ADAMTS9: variants seen among roughly 807,000 people sequenced by gnomAD.
ADAMTS9 encodes the protein ADAM metallopeptidase with thrombospondin type 1 motif 9.
In ADAMTS9, 107 loss-of-function variants were observed where a neutral mutation model predicts 257.1. The observed-to-expected ratio is 0.42, with a 90% CI of 0.36 to 0.49. ADAMTS9 has a LOEUF of 0.49. Ranked by LOEUF, ADAMTS9 falls within the 20% of genes least tolerant of loss-of-function variation. The pLI is 0.03. For missense variants in ADAMTS9, 2,353 were observed against 2,469.1 expected (o/e 0.95, Z 1.00); for synonymous variants, 982 against 880.9 (o/e 1.11, Z -2.03).
intron 25 of ADAMTS9, among the ~76,000 whole-genome samples, chr3:64,603,233 G>A (rs1262873153): frequency 6.6e-6 from 1 of 152,112 alleles, no homozygotes; most frequent in Non-Finnish European, 1.5e-5. Flanking sequence ...GCCAAGGTCT[G>A]GGTTTTTACA....
At chr3:64,559,432 A>T (rs576515151) in intron 30 of ADAMTS9, among the ~76,000 whole-genome samples, 2 of 152,282 alleles carry the variant, frequency 1.3e-5, no homozygotes, top group South Asian at 4.1e-4. Context: ...TTCCTTCCTT[A>T]GACCCTCCAC....
At chr3:64,526,575 G>C (rs1559746857) in intron 38 of ADAMTS9, among the ~76,000 whole-genome samples, 2 of 152,170 alleles carry the variant, frequency 1.3e-5, no homozygotes, top group African/African-American at 4.8e-5. Context: ...CCTGGCTTAA[G>C]TATAGGGCCA....
intron 16 of ADAMTS9, 45 bp from the exon 17 acceptor site, chr3:64,622,631 A>C (rs768834635): frequency 5.0e-6 from 8 of 1,588,568 alleles, no homozygotes; most frequent in Non-Finnish European, 6.9e-6. Context: ...GCTGTCAATG[A>C]CTAGCTGTTT....
At chr3:64,575,011 C>A (rs906015276) in intron 28 of ADAMTS9, among the ~76,000 whole-genome samples, 1 of 152,152 alleles carries the variant, frequency 6.6e-6, no homozygotes, top group Admixed American at 6.5e-5. Context: ...AGCAAACATA[C>A]AATCCCATAA....
chr3:64,554,428 G>C (rs6763654), intron 30 of ADAMTS9, among the ~76,000 whole-genome samples: 65 of 152,242 alleles, frequency 4.3e-4, no homozygotes, highest in African/African-American at 1.5e-3. Context: ...TCCTAACTAG[G>C]GTATGGGGGC....
chr3:64,657,754 G>T (rs1701116876), intron 4 of ADAMTS9, among the ~76,000 whole-genome samples: 1 of 151,946 alleles, frequency 6.6e-6, no homozygotes, highest in Non-Finnish European at 1.5e-5. Context: ...TTTCTATTGG[G>T]CAGTGCTTGT....
chr3:64,544,981 A>T (rs934818343), intron 32 of ADAMTS9, among the ~76,000 whole-genome samples: 5 of 131,510 alleles, frequency 3.8e-5, no homozygotes, highest in Middle Eastern at 3.9e-3. Context: ...AAAAGAAGAC[A>T]TTTATGCAGC....
At position 64,655,604 on chromosome 3, in the gene ADAMTS9, G is replaced by A. The variant is rs1250784973; in HGVS notation, c.1141C>T (p.His381Tyr). The part of the protein sequence containing the change: ...QHSKNSPGGI[H>Y]HDTAVLLTRQ... ...GTTAAGAGAACAGCAGTATCATGATGGATTCCACCTGGACTGTTCTTCGAA... is the reference window on the plus strand; with the variant it reads ...GTTAAGAGAACAGCAGTATCATGATAGATTCCACCTGGACTGTTCTTCGAA... Residue 381 changes from histidine (H) to tyrosine (Y), a missense_variant, in exon 6 of 40, where the codon CAT (histidine) becomes TAT (tyrosine). By Grantham distance (83) the His-to-Tyr change is moderately conservative. This residue lies in a region of ADAMTS9 where 591 missense variants were observed against 569.6 expected (regional missense o/e 1.04). Coordinates refer to ENST00000498707, the MANE Select transcript of ADAMTS9 (RefSeq NM_182920.2). The A allele has an allele frequency of 1.2e-6, 2 of 1,613,872 alleles. No individual in the cohort carries two copies. The highest frequency in any genetic ancestry group is 2.2e-5 in the East Asian group (1 of 44,884).
intron 3 of ADAMTS9, among the ~76,000 whole-genome samples, chr3:64,671,073 C>T (rs1701473990): frequency 6.6e-6 from 1 of 152,162 alleles, no homozygotes; most frequent in Non-Finnish European, 1.5e-5. Flanking sequence ...CTTATGTTCA[C>T]ACAAAAATCT....
chr3:64,627,803 G>C (rs573129031), intron 16 of ADAMTS9, among the ~76,000 whole-genome samples: 1 of 152,156 alleles, frequency 6.6e-6, no homozygotes, highest in African/African-American at 2.4e-5. Flanking sequence ...GTATGGCTTG[G>C]CTGACACTGA....
chr3:64,642,519 C>T (rs1051833963), intron 11 of ADAMTS9, among the ~76,000 whole-genome samples: 4 of 152,106 alleles, frequency 2.6e-5, no homozygotes, highest in African/African-American at 9.7e-5. Context: ...GAAAGCAAAA[C>T]GGACACACTA....
chr3:64,606,216 C>T (rs904169957), intron 23 of ADAMTS9, among the ~76,000 whole-genome samples: 9 of 152,208 alleles, frequency 5.9e-5, no homozygotes, highest in African/African-American at 1.9e-4. Flanking sequence ...ACACAAGACT[C>T]GTTTACATTT....
intron 22 of ADAMTS9, among the ~76,000 whole-genome samples, chr3:64,608,908 C>A (rs1382185036): frequency 6.6e-6 from 1 of 151,724 alleles, no homozygotes; most frequent in Non-Finnish European, 1.5e-5. Context: ...CAATAGCATA[C>A]TAAAAGGATA....
chr3:64,640,703 A>G (rs1576150466), intron 12 of ADAMTS9, among the ~76,000 whole-genome samples: 1 of 152,196 alleles, frequency 6.6e-6, no homozygotes, highest in Non-Finnish European at 1.5e-5. Flanking sequence ...CATACAAACT[A>G]TTACTTACTT....
At chr3:64,535,032 G>A (rs1039340959) in intron 37 of ADAMTS9, among the ~76,000 whole-genome samples, 2 of 152,162 alleles carry the variant, frequency 1.3e-5, no homozygotes, top group African/African-American at 4.8e-5. Flanking sequence ...TGATTAGACA[G>A]AAGGCACAAT....
At chr3:64,567,024 A>C (rs2106675216) in intron 29 of ADAMTS9, among the ~76,000 whole-genome samples, 1 of 152,320 alleles carries the variant, frequency 6.6e-6, no homozygotes. Flanking sequence ...TGTTAAATTA[A>C]AACAAACAAA....
At position 64,541,949 on chromosome 3, in the gene ADAMTS9, C is replaced by T; in HGVS notation, c.5086G>A (p.Gly1696Arg). 1 of 1,614,066 alleles carries T rather than the reference C, an allele frequency of 6.2e-7. No homozygotes were observed. The highest frequency in any genetic ancestry group is 1.1e-5 in the South Asian group (1 of 91,068). ...WGSCSVSCGV[G>R]VMQRSVQCLT... ...CATTGCACAGATCTCTGCATCACTC[C>T]AACACCACAAGACACTGAGCACTGT... is the stretch of plus-strand genomic sequence containing the variant. Residue 1696 changes from glycine to arginine, a missense_variant, in exon 33 of 40, where the codon GGA (glycine) becomes AGA (arginine). By Grantham distance (125) the Gly-to-Arg change is moderately radical. Transcript: ENST00000498707.
intron 16 of ADAMTS9, among the ~76,000 whole-genome samples, chr3:64,627,649 G>A (rs1362176977): frequency 6.6e-6 from 1 of 152,076 alleles, no homozygotes; most frequent in African/African-American, 2.4e-5. Flanking sequence ...CTGAAAACAA[G>A]AGCCTAATGC....
At chr3:64,593,946 ATGTGTGTGTGTATGATGTGTGTGTGTG>A (rs2084308649) in intron 28 of ADAMTS9, among the ~76,000 whole-genome samples, 4 of 107,378 alleles carry the variant, frequency 3.7e-5, no homozygotes, top group Non-Finnish European at 3.4e-5. Context: ...ATCACTATGT[ATGTGTGTGTGTATGATGTGTGTGTGTG>A]TGTGTGTGTG....
Sources: allele counts gnomAD v4.1 joint callset (sites outside exome capture counted in the v4.1 genomes callset), GRCh38; gene constraint gnomAD v4.1.1; regional missense constraint gnomAD v4.1.1; transcripts MANE v1.5; gene names NCBI Gene and HGNC (gene_info 2026-07-23, HGNC 2026-07-21).